Variants in DGCR8 observed in about 807,000 individuals in gnomAD.
The protein encoded by DGCR8 is microprocessor complex subunit DGCR8.
In DGCR8, 14 loss-of-function variants were observed where a neutral mutation model predicts 78.5. The observed-to-expected ratio is 0.18, with a 90% CI of 0.12 to 0.28. The LOEUF is 0.28. DGCR8 is among the 10% of genes least tolerant of loss of function. The pLI is 1.00. For missense variants in DGCR8, 702 were observed against 1,022.5 expected (o/e 0.69, Z 4.28); for synonymous variants, 399 against 402.4 (o/e 0.99, Z 0.10).
Position 20,090,242 on chromosome 22 carries a change from C to G in DGCR8, c.1290C>G (p.Cys430Trp). The G allele has an allele frequency of 6.2e-7, 1 of 1,601,734 alleles. No homozygotes were observed. The highest frequency in any genetic ancestry group is 8.5e-7 in the Non-Finnish European group (1 of 1,176,352). The change falls in exon 5 of 14, where the codon TGC becomes TGG. Residue 430 changes from cysteine to tryptophan, a missense_variant. Cys to Trp is a radical substitution (Grantham distance 215). Transcript: ENST00000351989. Reference sequence around the variant, plus strand: ...AGGTGAAGGCCAAAGTCGAGGTGTGCAAAGATGAATCCGTTGGTGAGTTTT... The same window carrying G: ...AGGTGAAGGCCAAAGTCGAGGTGTGGAAAGATGAATCCGTTGGTGAGTTTT... Reference protein sequence around the residue: ...LGQVKAKVEVCKDESVDLEEF... With the variant: ...LGQVKAKVEVWKDESVDLEEF...
In DGCR8 at chr22:20,086,484, TA is replaced by T; in HGVS notation, c.522del (p.Ile174MetfsTer29). 6.2e-7 allele frequency: 1 copy of T among 1,613,740 alleles called. No individual in the cohort carries two copies. Among genetic ancestry groups the T allele is most frequent in the Non-Finnish European group, 8.5e-7 (1 of 1,179,956 alleles). ...FGGSVGDGVG[I>X]GGESADKKDE... ...GGGAGTGTTGGTGACGGGGTAGGCA[TA>T]GGGGGTGAGAGTGCTGATAAGAAGG... On this transcript the variant is annotated frameshift_variant, in exon 2 of 14. Transcript: ENST00000351989. LOFTEE classifies it high-confidence loss of function. This position sits in a 1 kb window ranked among gnomAD's most constrained non-coding sequence, Gnocchi z 6.4.
intron 9 of DGCR8, 67 bp from the exon 10 acceptor site, chr22:20,106,110 G>T (rs1397020186): frequency 3.7e-6 from 5 of 1,364,788 alleles, no homozygotes; most frequent in Non-Finnish European, 5.2e-6. Context: ...AAAGCCAACC[G>T]CAGGCCCAGC....
rs1010588352 is a variant in DGCR8 at position 20,087,648 on chromosome 22, A to T, written c.880+327A>T. Among the ~76,000 whole-genome samples the T allele has an allele frequency of 6.6e-6, 1 of 152,178 alleles. No individual in the cohort carries two copies. The highest frequency in any genetic ancestry group is 1.5e-5 in the Non-Finnish European group (1 of 68,036). ...CATGACCATCAGCTGGAGGGTGTGG[A>T]GACCAAGGGCAAGGTGGGTACACAG... is the stretch of plus-strand genomic sequence containing the variant. On this transcript the variant is annotated intron_variant, in intron 3 of 13. Transcript: ENST00000351989. This position sits in a 1 kb window ranked among gnomAD's most constrained non-coding sequence, Gnocchi z 4.1.
intron 1 of DGCR8, among the ~76,000 whole-genome samples, chr22:20,081,705 G>C (rs959996733): frequency 6.6e-6 from 1 of 152,138 alleles, no homozygotes; most frequent in African/African-American, 2.4e-5. Context: ...CCTCTCTTCT[G>C]ATTTCCAGCC....
intron 9 of DGCR8, chr22:20,101,284 T>A (rs755497740): frequency 5.1e-6 from 5 of 985,292 alleles, no homozygotes; most frequent in Non-Finnish European, 6.0e-6. Context: ...TTTGTATATA[T>A]GTCATCTGTG....
intron 8 of DGCR8, among the ~76,000 whole-genome samples, chr22:20,093,199 A>G (rs887630823): frequency 2.0e-5 from 3 of 151,846 alleles, no homozygotes; most frequent in African/African-American, 2.4e-5. Context: ...AGGTCAGGAG[A>G]TCGAGACCAT....
intron 9 of DGCR8, 72 bp downstream of exon 9, chr22:20,094,867 TG>T: frequency 1.5e-6 from 2 of 1,377,778 alleles, no homozygotes; most frequent in South Asian, 1.2e-5. Flanking sequence ...TAGTGTGAGC[TG>T]GGGGTGTCCG....
chr22:20,110,434 A>G lies in DGCR8; in HGVS notation c.*326A>G, dbSNP rs1205652939. On this transcript the variant is annotated 3_prime_UTR_variant, in exon 14 of 14. Coordinates refer to ENST00000351989, the MANE Select transcript of DGCR8 (RefSeq NM_022720.7). The stretch of plus-strand genomic sequence containing the variant: ...GCAGGCTCTTTTTATGAAGGCTTTC[A>G]TGAATTTTAGTATGTAATACGCACT... 9.7e-6 allele frequency: 3 copies of G among 309,920 alleles called. No individual in the cohort carries two copies. The highest frequency in any genetic ancestry group is 1.1e-4 in the South Asian group (2 of 17,546). 19.2% of individuals were successfully genotyped at this position (309,920 alleles called of 1,614,324 possible). A position where few individuals can be genotyped will look rare whatever the true frequency, so the allele number is the denominator to read the frequency against.
intron 9 of DGCR8, among the ~76,000 whole-genome samples, chr22:20,098,439 T>A (rs2076900458): frequency 6.6e-6 from 1 of 152,228 alleles, no homozygotes; most frequent in African/African-American, 2.4e-5. Context: ...TACTTTCCTA[T>A]TTCTTTGCAT....
chr22:20,102,146 T>A, intron 9 of DGCR8: 1 of 875,896 alleles, frequency 1.1e-6, no homozygotes, highest in Middle Eastern at 5.9e-4. Context: ...TACAGTACTG[T>A]GAGTTTTGAC....
At chr22:20,103,910 A>G (rs1310399382) in intron 9 of DGCR8, among the ~76,000 whole-genome samples, 1 of 152,194 alleles carries the variant, frequency 6.6e-6, no homozygotes, top group South Asian at 2.1e-4. Flanking sequence ...TCCATCTCAT[A>G]TAGATAGTGG....
chr22:20,084,997 C>T, intron 1 of DGCR8: 1 of 985,434 alleles, frequency 1.0e-6, no homozygotes. Context: ...TGCCTCGGCT[C>T]CAGCTGTCTC....
chr22:20,086,327 G>C lies in DGCR8; in HGVS notation c.364G>C (p.Val122Leu). ...LKLLKDVKISVSFTESCRSKD... is the reference protein window; with the variant it reads ...LKLLKDVKISLSFTESCRSKD... Reference sequence around the variant, plus strand: ...GTTGCTTAAGGATGTAAAGATTAGCGTGAGCTTTACCGAGAGCTGCAGGAG... The same window carrying C: ...GTTGCTTAAGGATGTAAAGATTAGCCTGAGCTTTACCGAGAGCTGCAGGAG... The change falls in exon 2 of 14, where the codon GTG becomes CTG. Residue 122 changes from valine (V) to leucine (L), a missense_variant. This residue lies in a region of DGCR8 where 356 missense variants were observed against 448.9 expected (regional missense o/e 0.79). Transcript: ENST00000351989. This position sits in a 1 kb window ranked among gnomAD's most constrained non-coding sequence, Gnocchi z 6.4. The C allele has an allele frequency of 1.2e-6, 2 of 1,614,116 alleles. No individual in the cohort carries two copies. The highest frequency in any genetic ancestry group is 1.7e-6 in the Non-Finnish European group (2 of 1,180,030).
At chr22:20,080,977 C>T (rs527248493) in intron 1 of DGCR8, among the ~76,000 whole-genome samples, 1 of 152,350 alleles carries the variant, frequency 6.6e-6, no homozygotes, top group African/African-American at 2.4e-5. Context: ...GCACGGCAGT[C>T]CTGTCTTTGG....
intron 9 of DGCR8, chr22:20,101,245 C>A: frequency 1.0e-6 from 1 of 985,338 alleles, no homozygotes. Flanking sequence ...TTGTATGTGC[C>A]CCTCCTGAGA....
intron 9 of DGCR8, among the ~76,000 whole-genome samples, chr22:20,097,471 C>G (rs1206390362): frequency 1.3e-5 from 2 of 152,106 alleles, no homozygotes; most frequent in Admixed American, 6.5e-5. Context: ...TATATTTGTT[C>G]CTAGTATCCC....
rs763037264 is a variant in DGCR8 at position 20,106,661 on chromosome 22, C to T, written c.1959C>T (p.Tyr653=). 1.1e-5 allele frequency: 18 copies of T among 1,613,790 alleles called. No individual in the cohort carries two copies. Among genetic ancestry groups the T allele is most frequent in the Non-Finnish European group, 1.4e-5 (16 of 1,179,772 alleles). The change falls in exon 11 of 14, where the codon TAC becomes TAT. Residue 653 remains tyrosine (Y), a synonymous_variant. Coordinates refer to ENST00000351989, the MANE Select transcript of DGCR8 (RefSeq NM_022720.7). ...VVPGKNQKSE[Y]VMACGKHTVR... is the part of the protein sequence containing the mutation. The stretch of plus-strand genomic sequence containing the variant: ...CTGGGAAAAACCAGAAGAGTGAATA[C>T]GTCATGGCGTGTGGCAAGCACACAG...
chr22:20,098,049 C>T (rs2049650753), intron 9 of DGCR8, among the ~76,000 whole-genome samples: 1 of 150,522 alleles, frequency 6.6e-6, no homozygotes, highest in Non-Finnish European at 1.5e-5. Context: ...ACCACTTGAA[C>T]CCAGGAGGTG....
In DGCR8 at chr22:20,086,678, T is replaced by C. The variant is rs1472589000; in HGVS notation, c.715T>C (p.Tyr239His). ...GGATGAAGAGGCCTTGAATTTCCCC[T>C]ACGAGGTATGTTGGCAGCCCCTCCT... ...RVDEEALNFP[Y>H]EDDFDNDVDA... The change falls in exon 2 of 14, where the codon TAC becomes CAC. Residue 239 changes from tyrosine to histidine, a missense_variant. Physicochemically the swap from Tyr to His is moderately conservative, Grantham distance 83. Coordinates refer to ENST00000351989, the MANE Select transcript of DGCR8 (RefSeq NM_022720.7). This position sits in a 1 kb window ranked among gnomAD's most constrained non-coding sequence, Gnocchi z 6.4. 1 of 1,603,874 alleles carries C rather than the reference T, an allele frequency of 6.2e-7. No homozygotes were observed. Among genetic ancestry groups the C allele is most frequent in the East Asian group, 2.2e-5 (1 of 44,838 alleles).
Sources: gnomAD v4.1 joint callset for allele counts (sites outside exome capture counted in the v4.1 genomes callset) on GRCh38, gnomAD v4.1.1 for gene constraint, gnomAD v4.1.1 regional missense constraint, Gnocchi (gnomAD v3.1) non-coding constraint, MANE v1.5 for transcripts, NCBI Gene and HGNC (gene_info 2026-07-23, HGNC 2026-07-21) for gene names.